DCLK2: variants seen among roughly 807,000 people sequenced by gnomAD.
DCLK2 encodes doublecortin like kinase 2.
In DCLK2, 31 loss-of-function variants were observed where a neutral mutation model predicts 78.4. The observed-to-expected ratio is 0.40, with a 90% confidence interval of 0.30 to 0.53. The LOEUF (loss-of-function observed/expected upper bound fraction) is 0.53. Ranked by LOEUF, DCLK2 falls within the 20% of genes least tolerant of loss-of-function variation. The pLI is 0.61. For synonymous variants in DCLK2, 407 were observed against 374.9 expected (o/e 1.09, Z -0.99); for missense variants, 872 against 973.7 (o/e 0.90, Z 1.39).
At chr4:150,253,484 C>T in intron 15 of DCLK2, 1 of 1,289,652 alleles carries the variant, frequency 7.8e-7, no homozygotes, top group East Asian at 5.5e-5. Flanking sequence ...TTTGATTTGA[C>T]AGTTTGAGAG....
chr4:150,078,991 G>T lies in DCLK2; in HGVS notation c.-37G>T. On this transcript the variant is annotated 5_prime_UTR_variant, in exon 1 of 16. Coordinates refer to ENST00000296550, the MANE Select transcript of DCLK2 (RefSeq NM_001040260.4). ...CGGCGCTCGCACCCTTAGTCGGCCC[G>T]GAACGTCTTTTTGCGGACGCCCTCG... The T allele has an allele frequency of 6.6e-7, 1 of 1,505,362 alleles. No individual in the cohort carries two copies. The highest frequency in any genetic ancestry group is 8.8e-7 in the Non-Finnish European group (1 of 1,130,608). 93.3% of individuals were successfully genotyped at this position (1,505,362 alleles called of 1,614,324 possible).
At chr4:150,140,457 C>A (rs1037079073) in intron 2 of DCLK2, among the ~76,000 whole-genome samples, 1 of 152,152 alleles carries the variant, frequency 6.6e-6, no homozygotes, top group Non-Finnish European at 1.5e-5. Flanking sequence ...GGGTTGAGGA[C>A]CCCAATGGTG....
intron 8 of DCLK2, among the ~76,000 whole-genome samples, chr4:150,229,054 A>T (rs184134412): frequency 6.7e-6 from 1 of 149,842 alleles, no homozygotes; most frequent in Non-Finnish European, 1.5e-5. Context: ...AAAAAAAAAA[A>T]CTATGGCTGG....
intron 5 of DCLK2, among the ~76,000 whole-genome samples, chr4:150,212,430 T>G (rs2126493005): frequency 6.6e-6 from 1 of 152,352 alleles, no homozygotes; most frequent in South Asian, 2.1e-4. Context: ...ACATTTTTGC[T>G]TTTCCCTGGA....
At chr4:150,113,950 A>G (rs1165447640) in intron 2 of DCLK2, among the ~76,000 whole-genome samples, 2 of 152,112 alleles carry the variant, frequency 1.3e-5, no homozygotes, top group Admixed American at 1.3e-4. Flanking sequence ...TTGTGTCACT[A>G]TTACTCATTT....
At chr4:150,197,514 G>A (rs1049110350) in intron 3 of DCLK2, among the ~76,000 whole-genome samples, 3 of 152,176 alleles carry the variant, frequency 2.0e-5, no homozygotes, top group Non-Finnish European at 1.5e-5. Flanking sequence ...AGCACTTTGG[G>A]AGGCTGAGGC....
chr4:150,256,335 CCT>C lies in DCLK2; in HGVS notation c.*93_*94del. The C allele has an allele frequency of 7.0e-7, 1 of 1,428,924 alleles. No individual in the cohort carries two copies. The highest frequency in any genetic ancestry group is 9.2e-7 in the Non-Finnish European group (1 of 1,092,630). 88.5% of individuals were successfully genotyped at this position (1,428,924 alleles called of 1,614,324 possible). A position where few individuals can be genotyped will look rare whatever the true frequency, so the allele number is the denominator to read the frequency against. ...CGCCGGCCTCCCTGCTGCAGGCCTC[CCT>C]CTCTTCACCGCCTGCGCCTGAGTTC... On this transcript the variant is annotated 3_prime_UTR_variant, in exon 16 of 16. Transcript: ENST00000296550.
chr4:150,105,408 C>T (rs1731184675), intron 2 of DCLK2, among the ~76,000 whole-genome samples: 1 of 151,206 alleles, frequency 6.6e-6, no homozygotes, highest in African/African-American at 2.5e-5. Flanking sequence ...AATGTTGTTT[C>T]ACAAAAAGGT....
At chr4:150,227,430 G>T (rs915411401) in intron 8 of DCLK2, among the ~76,000 whole-genome samples, 2 of 152,220 alleles carry the variant, frequency 1.3e-5, no homozygotes, top group Non-Finnish European at 2.9e-5. Flanking sequence ...TGGGAGAGAA[G>T]TAGGTGACCA....
intron 2 of DCLK2, among the ~76,000 whole-genome samples, chr4:150,108,817 T>C (rs1010342175): frequency 1.3e-5 from 2 of 152,098 alleles, no homozygotes; most frequent in African/African-American, 4.8e-5. Context: ...AAGAAACATA[T>C]TTTGTGGAAT....
At chr4:150,203,699 T>C (rs1382947518) in intron 4 of DCLK2, 96 bp from the exon 5 acceptor site, 2 of 875,790 alleles carry the variant, frequency 2.3e-6, no homozygotes, top group Non-Finnish European at 3.4e-6. Context: ...TGAAGCTTCA[T>C]TGGACCTATA....
chr4:150,197,672 T>A (rs944021655), intron 3 of DCLK2, among the ~76,000 whole-genome samples: 4 of 152,028 alleles, frequency 2.6e-5, no homozygotes, highest in Non-Finnish European at 4.4e-5. Context: ...AGAGAATCGC[T>A]TGAACCCAGG....
chr4:150,198,237 G>T, intron 4 of DCLK2, 134 bp downstream of exon 4: 2 of 713,692 alleles, frequency 2.8e-6, no homozygotes, highest in South Asian at 2.6e-5. Flanking sequence ...GAGATGATGT[G>T]ACTTTTAAAA....
chr4:150,198,032 G>A lies in DCLK2; in HGVS notation c.890G>A (p.Arg297Gln), dbSNP rs200758050. 5.6e-6 allele frequency: 9 copies of A among 1,613,464 alleles called. No homozygotes were observed. Among genetic ancestry groups the A allele is most frequent in the African/African-American group, 4.0e-5 (3 of 74,940 alleles). Reference protein sequence around the residue: ...ECRVLKSSYSRSSAVKYSGSK... With the variant: ...ECRVLKSSYSQSSAVKYSGSK... ...CGTGTCCTGAAGTCATCTTATTCTC[G>A]ATCCTCAGCTGTTAAGTATTCTGGA... Residue 297 changes from arginine to glutamine, a missense_variant, in exon 4 of 16, where the codon CGA (arginine) becomes CAA (glutamine). This residue lies in a region of DCLK2 where 567 missense variants were observed against 593.4 expected (regional missense o/e 0.96). Coordinates refer to ENST00000296550, the MANE Select transcript of DCLK2 (RefSeq NM_001040260.4).
At chr4:150,188,973 G>A (rs911955974) in intron 2 of DCLK2, among the ~76,000 whole-genome samples, 5 of 148,344 alleles carry the variant, frequency 3.4e-5, no homozygotes, top group Non-Finnish European at 7.4e-5. Flanking sequence ...GATACATTAT[G>A]TTCCTGAGAC....
At chr4:150,210,551 A>G (rs1740216023) in intron 5 of DCLK2, among the ~76,000 whole-genome samples, 1 of 152,160 alleles carries the variant, frequency 6.6e-6, no homozygotes, top group Non-Finnish European at 1.5e-5. Context: ...AGGCAGGAGA[A>G]TTGCTTGAAT....
intron 2 of DCLK2, among the ~76,000 whole-genome samples, chr4:150,130,653 GA>G (rs1733250114): frequency 6.6e-6 from 1 of 152,036 alleles, no homozygotes; most frequent in Admixed American, 6.6e-5. Flanking sequence ...CTGATATAAT[GA>G]AAACTGCTTT....
At chr4:150,250,505 C>A (rs1026130380) in intron 15 of DCLK2, among the ~76,000 whole-genome samples, 2 of 152,024 alleles carry the variant, frequency 1.3e-5, no homozygotes, top group Admixed American at 1.3e-4. Flanking sequence ...TTGGTTCTCC[C>A]CACACACTCC....
intron 2 of DCLK2, among the ~76,000 whole-genome samples, chr4:150,144,200 T>A (rs1356449580): frequency 2.6e-5 from 4 of 152,194 alleles, no homozygotes; most frequent in Non-Finnish European, 5.9e-5. Context: ...TATTTAGGAT[T>A]TTTTATAATT....
Sources: gnomAD v4.1 joint callset for allele counts (sites outside exome capture counted in the v4.1 genomes callset) on GRCh38, gnomAD v4.1.1 for gene constraint, gnomAD v4.1.1 regional missense constraint, MANE v1.5 for transcripts, NCBI Gene and HGNC (gene_info 2026-07-23, HGNC 2026-07-21) for gene names.